The following RRM2 variants were observed in gnomAD, a reference collection of about 807,000 sequenced individuals.
RRM2 encodes the protein ribonucleotide reductase regulatory subunit M2, also known as ribonucleoside-diphosphate reductase subunit M2.
Under a neutral mutation model 45.9 loss-of-function variants are expected in RRM2, and 6 were observed. The ratio of observed to expected loss-of-function variants is 0.13; its 90% CI spans 0.07 to 0.26. RRM2 has a LOEUF of 0.26. RRM2 is among the 10% of genes least tolerant of loss of function. The pLI, the probability that RRM2 is intolerant of heterozygous loss-of-function variation, is 1.00. For synonymous variants in RRM2, 177 were observed against 173.0 expected (o/e 1.02, Z -0.18); for missense variants, 343 against 489.5 (o/e 0.70, Z 2.82).
intron 3 of RRM2, among the ~76,000 whole-genome samples, chr2:10,149,765 G>A (rs1299273127): frequency 1.3e-5 from 2 of 152,194 alleles, no homozygotes; most frequent in Non-Finnish European, 2.9e-5. Flanking sequence ...TTGCCTGCAA[G>A]TGTGGCTTGT....
intron 3 of RRM2, among the ~76,000 whole-genome samples, chr2:10,160,875 G>A (rs1199548247): frequency 6.6e-6 from 1 of 152,170 alleles, no homozygotes; most frequent in Non-Finnish European, 1.5e-5. Flanking sequence ...CTGCCCTGTT[G>A]CCTGCGCCCC....
rs746858492 is a variant in RRM2 at position 10,127,013 on chromosome 2, C to T, written c.664+44C>T. 77 of 1,611,106 alleles carry T rather than the reference C, an allele frequency of 4.8e-5. No individual in the cohort carries two copies. In the South Asian group the frequency reaches 6.4e-4, roughly 13 times the overall value. On this transcript the variant is annotated intron_variant, in intron 6 of 9. Transcript: ENST00000304567. The surrounding 1 kb of genome is among the most constrained non-coding windows in gnomAD (Gnocchi z 4.1). ...CTACTTAAACCTGAGCTTCATTTTC[C>T]AAGTAATGTTACTGGATTTTTGGCC...
chr2:10,122,943 AAAGCG>A (rs1662694144), intron 1 of RRM2, 35 bp from the exon 2 acceptor site: 1 of 1,547,620 alleles, frequency 6.5e-7, no homozygotes, highest in Non-Finnish European at 8.7e-7. Context: ...GGAGGCAGGG[AAAGCG>A]AAGCCGCTCC....
intron 3 of RRM2, among the ~76,000 whole-genome samples, chr2:10,144,934 AG>A (rs1336089619): frequency 6.6e-6 from 1 of 152,166 alleles, no homozygotes; most frequent in Non-Finnish European, 1.5e-5. Flanking sequence ...TGTTATGCAA[AG>A]TGTACACCAT....
intron 3 of RRM2, among the ~76,000 whole-genome samples, chr2:10,209,595 G>A (rs113738900): frequency 0.014 from 1,799 of 131,090 alleles, 29 homozygotes; most frequent in African/African-American, 0.045. Flanking sequence ...GTGTGTGCGC[G>A]CGCGTGTGTG....
At chr2:10,152,113 T>C (rs1663323382) in intron 3 of RRM2, among the ~76,000 whole-genome samples, 1 of 151,916 alleles carries the variant, frequency 6.6e-6, no homozygotes, top group Non-Finnish European at 1.5e-5. Flanking sequence ...CACGCCCAGC[T>C]AATTTTTTGT....
intron 3 of RRM2, among the ~76,000 whole-genome samples, chr2:10,173,222 AT>A (rs1663839774): frequency 6.6e-6 from 1 of 152,158 alleles, no homozygotes; most frequent in Non-Finnish European, 1.5e-5. Flanking sequence ...CATGGGTTCC[AT>A]AGCAGGCACT....
At chr2:10,175,371 G>A (rs1663894247) in intron 3 of RRM2, among the ~76,000 whole-genome samples, 1 of 152,148 alleles carries the variant, frequency 6.6e-6, no homozygotes, top group Non-Finnish European at 1.5e-5. Flanking sequence ...TAAAAATTGT[G>A]TTAAAATACA....
intron 3 of RRM2, among the ~76,000 whole-genome samples, chr2:10,196,154 G>C (rs758766160): frequency 1.3e-5 from 2 of 152,154 alleles, no homozygotes; most frequent in Non-Finnish European, 2.9e-5. Context: ...AAGACCCTGC[G>C]GCACTGCAGA....
At chr2:10,197,577 C>T (rs761881470) in intron 3 of RRM2, among the ~76,000 whole-genome samples, 3 of 150,634 alleles carry the variant, frequency 2.0e-5, no homozygotes, top group African/African-American at 4.9e-5. Context: ...GCCATACCTG[C>T]GGGGCGGGCA....
downstream of RRM2, among the ~76,000 whole-genome samples, chr2:10,133,703 A>ATT (rs33987822): frequency 0.025 from 3,380 of 133,172 alleles, 162 homozygotes; most frequent in African/African-American, 0.091. Flanking sequence ...TGACATCAGG[A>ATT]TTTTTTTTTT....
chr2:10,132,046 C>G (rs1662912892), downstream of RRM2, among the ~76,000 whole-genome samples: 1 of 152,182 alleles, frequency 6.6e-6, no homozygotes, highest in Non-Finnish European at 1.5e-5. Context: ...GACTCCAGCA[C>G]AGGTTTGGAT....
chr2:10,202,632 G>A (rs747148881), intron 3 of RRM2, among the ~76,000 whole-genome samples: 1 of 151,356 alleles, frequency 6.6e-6, no homozygotes, highest in Non-Finnish European at 1.5e-5. Context: ...TCTCAGGTTG[G>A]CATGTTTCTG....
At chr2:10,142,867 T>TTTTTG (rs1357414766) in intron 3 of RRM2, among the ~76,000 whole-genome samples, 2 of 152,070 alleles carry the variant, frequency 1.3e-5, no homozygotes, top group Non-Finnish European at 2.9e-5. Flanking sequence ...CTGAGCTTCT[T>TTTTTG]TTTTGTTTTG....
intron 3 of RRM2, among the ~76,000 whole-genome samples, chr2:10,160,821 T>C (rs977038797): frequency 6.6e-6 from 1 of 152,238 alleles, no homozygotes; most frequent in Non-Finnish European, 1.5e-5. Context: ...CCAGGTGAGC[T>C]GGCTGCTTTC....
intron 3 of RRM2, among the ~76,000 whole-genome samples, chr2:10,188,028 A>C (rs1664205814): frequency 1.3e-5 from 2 of 151,952 alleles, no homozygotes; most frequent in Non-Finnish European, 2.9e-5. Flanking sequence ...GTTAACACAT[A>C]CTCTAGGGGG....
chr2:10,182,374 A>C (rs1227550271), intron 3 of RRM2, among the ~76,000 whole-genome samples: 1 of 146,410 alleles, frequency 6.8e-6, no homozygotes, highest in Non-Finnish European at 1.5e-5. Context: ...AACAAAAAAA[A>C]ACCCAAAAAA....
chr2:10,176,154 G>A (rs1044107995), intron 3 of RRM2, among the ~76,000 whole-genome samples: 1 of 152,174 alleles, frequency 6.6e-6, no homozygotes, highest in Non-Finnish European at 1.5e-5. Flanking sequence ...TAGACATTGG[G>A]AATAATGCTG....
intron 3 of RRM2, among the ~76,000 whole-genome samples, chr2:10,163,805 T>C (rs895804628): frequency 4.6e-5 from 7 of 152,362 alleles, no homozygotes; most frequent in Middle Eastern, 3.4e-3. Context: ...GAGCACCTCA[T>C]TGGGCTTCCA....
Sources: gnomAD v4.1 joint callset for allele counts (sites outside exome capture counted in the v4.1 genomes callset) on GRCh38, gnomAD v4.1.1 for gene constraint, Gnocchi (gnomAD v3.1) non-coding constraint, MANE v1.5 for transcripts, NCBI Gene and HGNC (gene_info 2026-07-23, HGNC 2026-07-21) for gene names.